Variants in NDE1 observed in about 807,000 individuals in gnomAD.
The protein encoded by NDE1 is nudE neurodevelopment protein 1.
NDE1 carries 28 observed loss-of-function variants against 43.4 expected under a neutral mutation model. The observed-to-expected ratio is 0.65, with a 90% CI of 0.48 to 0.89. The LOEUF (loss-of-function observed/expected upper bound fraction) is 0.89. NDE1 is among the 40% of genes least tolerant of loss of function. NDE1 has a pLI of 0.00. For synonymous variants in NDE1, 184 were observed against 172.0 expected (o/e 1.07, Z -0.55); for missense variants, 441 against 434.1 (o/e 1.02, Z -0.14).
intron 2 of NDE1, among the ~76,000 whole-genome samples, chr16:15,666,753 T>G (rs2037328499): frequency 6.6e-6 from 1 of 152,174 alleles, no homozygotes; most frequent in African/African-American, 2.4e-5. Flanking sequence ...CCCAGGTAGC[T>G]GGGACTACAG....
intron 6 of NDE1, among the ~76,000 whole-genome samples, chr16:15,693,263 T>C (rs2038843013): frequency 6.6e-6 from 1 of 152,170 alleles, no homozygotes. Flanking sequence ...CCTCGGCCTC[T>C]GAAAGCACTG....
intron 6 of NDE1, 24 bp from the exon 7 acceptor site, chr16:15,694,141 A>G (rs1436431757): frequency 1.2e-6 from 2 of 1,611,414 alleles, no homozygotes. Context: ...GGTGAGTTAC[A>G]TGCTCTTCCC....
At chr16:15,694,397 G>A in intron 7 of NDE1, 141 bp downstream of exon 7, 1 of 1,524,230 alleles carries the variant, frequency 6.6e-7, no homozygotes, top group Non-Finnish European at 8.8e-7. Context: ...TCAGGCTGGA[G>A]TGTAGTGGTA....
chr16:15,653,986 C>T (rs2036628827), intron 1 of NDE1, among the ~76,000 whole-genome samples: 2 of 152,098 alleles, frequency 1.3e-5, no homozygotes, highest in Non-Finnish European at 2.9e-5. Context: ...CTGCCTCACC[C>T]TCCCAAAGTG....
intron 8 of NDE1, among the ~76,000 whole-genome samples, chr16:15,723,298 T>TTGCTC (rs567765815): frequency 2.0e-4 from 30 of 152,272 alleles, no homozygotes; most frequent in Middle Eastern, 3.4e-3. Flanking sequence ...CATCTGTAAT[T>TTGCTC]TGCTCTGAAA....
intron 8 of NDE1, chr16:15,720,887 T>G: frequency 6.2e-7 from 1 of 1,614,058 alleles, no homozygotes. Context: ...CGTCCCGGGC[T>G]TGGAGATCCC....
chr16:15,719,325 A>C (rs770292380), intron 8 of NDE1: 1 of 1,608,128 alleles, frequency 6.2e-7, no homozygotes. Flanking sequence ...GGGAGGGAGG[A>C]AGGCTGTTGT....
chr16:15,643,581 T>TC (rs1338253203), exon 1 of NDE1: 1 of 310,208 alleles, frequency 3.2e-6, no homozygotes, highest in Non-Finnish European at 6.1e-6. Context: ...TTTTTTTTTT[T>TC]CCTCTCTCGG....
chr16:15,704,782 A>G (rs371585177), intron 8 of NDE1, among the ~76,000 whole-genome samples: 5 of 152,372 alleles, frequency 3.3e-5, no homozygotes, highest in South Asian at 4.1e-4. Context: ...CATACCGCAC[A>G]TGGCGTAAAA....
At chr16:15,665,826 G>A (rs2037273801) in intron 2 of NDE1, among the ~76,000 whole-genome samples, 1 of 150,118 alleles carries the variant, frequency 6.7e-6, no homozygotes, top group South Asian at 2.1e-4. Flanking sequence ...GCATGATCTC[G>A]GCTCACCACA....
At chr16:15,671,378 T>G (rs902144412) in intron 3 of NDE1, among the ~76,000 whole-genome samples, 3 of 152,098 alleles carry the variant, frequency 2.0e-5, no homozygotes, top group African/African-American at 7.2e-5. Context: ...GACATGGTAG[T>G]GCACACCTGT....
chr16:15,692,211 T>TGC (rs2038789768), intron 6 of NDE1, among the ~76,000 whole-genome samples: 1 of 152,194 alleles, frequency 6.6e-6, no homozygotes. Context: ...AGGCCCAGGA[T>TGC]GCAGGTGCTG....
rs769680879 is a variant in NDE1 at position 15,718,386 on chromosome 16, C to G, written c.948-5805C>G. ...CCCTGCTCCTCCTCCAGCTCCTCCT[C>G]CAGCTGGGCGATCCGGGCCTCCAGG... On this transcript the variant is annotated intron_variant, in intron 8 of 8. Transcript: ENST00000396354. The G allele has an allele frequency of 3.7e-6, 6 of 1,603,752 alleles. No homozygotes were observed. The South Asian group carries it at 6.6e-5, about 18-fold the overall frequency.
chr16:15,674,356 G>A (rs1158888094), intron 3 of NDE1, among the ~76,000 whole-genome samples: 1 of 152,072 alleles, frequency 6.6e-6, no homozygotes, highest in African/African-American at 2.4e-5. Context: ...CGATTCTCCT[G>A]CCTCAGCCTC....
chr16:15,725,008 G>C lies in NDE1; in HGVS notation c.*757G>C. The C allele has an allele frequency of 6.2e-7, 1 of 1,610,844 alleles. No individual in the cohort carries two copies. The highest frequency in any genetic ancestry group is 8.5e-7 in the Non-Finnish European group (1 of 1,177,738). The stretch of plus-strand genomic sequence containing the variant: ...CAACTTCATTCTAAGGGTGCCAAGA[G>C]ACTGGTTAGTCAAAGCCTCTAGAAG... On this transcript the variant is annotated 3_prime_UTR_variant, in exon 9 of 9. Transcript: ENST00000396354.
Position 15,695,855 on chromosome 16 carries a change from A to G in NDE1, c.796-854A>G, listed in dbSNP as rs146657985. The G allele has an allele frequency of 5.1e-5, 16 of 315,174 alleles. No individual in the cohort carries two copies. The East Asian group carries it at 2.6e-3, about 51-fold the overall frequency. The allele number at this position is 315,174 out of a possible 1,614,324, so 19.5% of individuals were successfully genotyped here. On this transcript the variant is annotated intron_variant, in intron 7 of 8. Transcript: ENST00000396354. The stretch of plus-strand genomic sequence containing the variant: ...CTGTCAGTGTCCTTTTGGTTTCCTC[A>G]GGGTCTGTTGTAGCCAGACCAAGTC...
At position 15,718,054 on chromosome 16, in the gene NDE1, G is replaced by C. The variant is rs2151200445; in HGVS notation, c.948-6137G>C. ...AGAGCATCCCAAGGCCCGGACTCCAGGGATGGCCGTGAGGTACGGGGAGCC... is the reference window on the plus strand; with the variant it reads ...AGAGCATCCCAAGGCCCGGACTCCACGGATGGCCGTGAGGTACGGGGAGCC... On this transcript the variant is annotated intron_variant, in intron 8 of 8. Transcript: ENST00000396354. The C allele has an allele frequency of 8.8e-6, 5 of 570,180 alleles. 1 individual carries two copies. In the South Asian group the frequency reaches 1.0e-4, roughly 12 times the overall value. 35.3% of individuals were successfully genotyped at this position (570,180 alleles called of 1,614,324 possible).
chr16:15,670,741 G>T (rs2037552840), intron 3 of NDE1, among the ~76,000 whole-genome samples: 2 of 152,052 alleles, frequency 1.3e-5, no homozygotes, highest in Admixed American at 1.3e-4. Flanking sequence ...TGTATGTGTT[G>T]CTGACACTTG....
intron 1 of NDE1, among the ~76,000 whole-genome samples, chr16:15,658,603 T>A (rs114539201): frequency 6.6e-6 from 1 of 152,212 alleles, no homozygotes; most frequent in Non-Finnish European, 1.5e-5. Context: ...AATGCATGTC[T>A]GGAAAAAACA....
Sources: gnomAD v4.1 joint callset for allele counts (sites outside exome capture counted in the v4.1 genomes callset) on GRCh38, gnomAD v4.1.1 for gene constraint, MANE v1.5 for transcripts, NCBI Gene and HGNC (gene_info 2026-07-23, HGNC 2026-07-21) for gene names.